The following ZHX2 variants were observed in gnomAD, a reference collection of about 807,000 sequenced individuals.
The protein encoded by ZHX2 is zinc fingers and homeoboxes 2, also known as zinc fingers and homeoboxes protein 2.
A neutral mutation model predicts 21.9 loss-of-function variants in ZHX2; 6 were observed. The ratio of observed to expected loss-of-function variants is 0.27; its 90% CI spans 0.15 to 0.54. ZHX2 has a LOEUF of 0.54. Among genes scored for constraint, ZHX2 ranks in the 20% least tolerant of loss-of-function variants. ZHX2 has a pLI of 0.95. For synonymous variants in ZHX2, 434 were observed against 437.1 expected (o/e 0.99, Z 0.09); for missense variants, 908 against 1,090.7 (o/e 0.83, Z 2.36).
At chr8:122,853,936 C>T (rs1201329881) in intron 1 of ZHX2, among the ~76,000 whole-genome samples, 1 of 152,170 alleles carries the variant, frequency 6.6e-6, no homozygotes, top group Non-Finnish European at 1.5e-5. Context: ...CACATCACTC[C>T]AGCACAACAA....
chr8:122,840,424 A>G (rs905606239), intron 1 of ZHX2, among the ~76,000 whole-genome samples: 6 of 152,134 alleles, frequency 3.9e-5, no homozygotes, highest in South Asian at 2.1e-4. Context: ...CTGTGCATCA[A>G]TTTGCCCAAC....
chr8:122,824,637 G>A (rs1370160528), intron 1 of ZHX2, among the ~76,000 whole-genome samples: 2 of 152,180 alleles, frequency 1.3e-5, no homozygotes, highest in African/African-American at 2.4e-5. Flanking sequence ...AGGATCACTG[G>A]TACCAATATA....
intron 2 of ZHX2, among the ~76,000 whole-genome samples, chr8:122,912,174 C>T (rs1178791678): frequency 6.6e-6 from 1 of 152,224 alleles, no homozygotes; most frequent in Admixed American, 6.5e-5. Flanking sequence ...TTGCCAATGT[C>T]ATGCTTTTCC....
chr8:122,944,934 T>C (rs964301551), intron 2 of ZHX2, among the ~76,000 whole-genome samples: 3 of 152,138 alleles, frequency 2.0e-5, no homozygotes, highest in Non-Finnish European at 4.4e-5. Flanking sequence ...CCTAATCCAA[T>C]ATAACTGATG....
chr8:122,850,247 G>A (rs1396515184), intron 1 of ZHX2, among the ~76,000 whole-genome samples: 1 of 152,076 alleles, frequency 6.6e-6, no homozygotes, highest in Non-Finnish European at 1.5e-5. Flanking sequence ...ATGTTTTGAT[G>A]GGTGTGAGTG....
At chr8:122,887,886 G>T (rs934595384) in intron 2 of ZHX2, among the ~76,000 whole-genome samples, 4 of 151,710 alleles carry the variant, frequency 2.6e-5, no homozygotes, top group Admixed American at 2.6e-4. Context: ...TGCCGCGCTT[G>T]CCGGCCAGGG....
At chr8:122,790,416 C>A (rs1240019223) in intron 1 of ZHX2, among the ~76,000 whole-genome samples, 5 of 152,140 alleles carry the variant, frequency 3.3e-5, no homozygotes, top group Admixed American at 1.3e-4. Flanking sequence ...AGTCAGCACT[C>A]ACTGAGCACC....
At chr8:122,798,297 TG>T (rs1412539897) in intron 1 of ZHX2, among the ~76,000 whole-genome samples, 1 of 152,246 alleles carries the variant, frequency 6.6e-6, no homozygotes, top group Non-Finnish European at 1.5e-5. Context: ...GGCACCATGC[TG>T]ATCAGGAGGG....
In ZHX2 at chr8:122,953,606, T is replaced by C. The variant is rs1416943168; in HGVS notation, c.2096T>C (p.Met699Thr). 13 of 1,614,002 alleles carry C rather than the reference T, an allele frequency of 8.1e-6. No homozygotes were observed. Among genetic ancestry groups the C allele is most frequent in the Non-Finnish European group, 1.1e-5 (13 of 1,180,034 alleles). The change falls in exon 3 of 4, where the codon ATG (methionine) becomes ACG (threonine). Residue 699 changes from methionine to threonine, a missense_variant. Met to Thr is a moderately conservative substitution (Grantham distance 81). This residue lies in a region of ZHX2 where 431 missense variants were observed against 428.6 expected (regional missense o/e 1.01). Coordinates refer to ENST00000314393, the MANE Select transcript of ZHX2 (RefSeq NM_014943.5). This position sits in a 1 kb window ranked among gnomAD's most constrained non-coding sequence, Gnocchi z 4.6. ...ATGGAGCAGTACCAGCACCAGCCCA[T>C]GGCAGATGATCACGGCTACGATGCC... ...KWMEQYQHQP[M>T]ADDHGYDAVA...
At chr8:122,931,256 A>G (rs1820985764) in intron 2 of ZHX2, among the ~76,000 whole-genome samples, 1 of 152,190 alleles carries the variant, frequency 6.6e-6, no homozygotes, top group South Asian at 2.1e-4. Context: ...AGCCACGAGT[A>G]TTATGCAGGG....
intron 2 of ZHX2, among the ~76,000 whole-genome samples, chr8:122,866,772 A>T (rs1819308321): frequency 6.6e-6 from 1 of 152,176 alleles, no homozygotes; most frequent in Non-Finnish European, 1.5e-5. Flanking sequence ...GGCAAGAAGA[A>T]CTGTAGCATT....
intron 3 of ZHX2, among the ~76,000 whole-genome samples, chr8:122,971,611 CA>C (rs56331425): frequency 0.011 from 940 of 81,746 alleles, 17 homozygotes; most frequent in African/African-American, 0.038. Flanking sequence ...GGCCCCTGTA[CA>C]AAAAAAAAAA....
At chr8:122,938,155 G>A (rs938455872) in intron 2 of ZHX2, among the ~76,000 whole-genome samples, 5 of 148,036 alleles carry the variant, frequency 3.4e-5, no homozygotes, top group African/African-American at 1.0e-4. Context: ...GGCTGGTCTC[G>A]ATCTCCTGAC....
At chr8:122,859,665 G>T (rs1215130072) in intron 1 of ZHX2, among the ~76,000 whole-genome samples, 1 of 152,148 alleles carries the variant, frequency 6.6e-6, no homozygotes, top group Non-Finnish European at 1.5e-5. Context: ...GGGGTGGGGA[G>T]CGTGGTCTTT....
rs142016436 is a variant in ZHX2, at chr8:122,832,841, G to A, written c.-282-30636G>A. 1.9e-3 allele frequency among the ~76,000 whole-genome samples: 289 copies of A among 152,250 alleles called. 1 individual carries two copies. The East Asian group carries it at 0.048, about 25-fold the overall frequency. The stretch of plus-strand genomic sequence containing the variant: ...GGTGCATATTTGTGCTTTCTTAGGG[G>A]AGACCTAATACTCCCGTTCTGCCAA... On this transcript the variant is annotated intron_variant, in intron 1 of 3. Transcript: ENST00000314393.
chr8:122,972,139 T>A (rs1813740583), intron 3 of ZHX2, among the ~76,000 whole-genome samples: 1 of 152,246 alleles, frequency 6.6e-6, no homozygotes, highest in African/African-American at 2.4e-5. Flanking sequence ...CATCTGTCTC[T>A]GTGTCCAAAT....
chr8:122,904,641 C>T (rs1163776746), intron 2 of ZHX2, among the ~76,000 whole-genome samples: 1 of 152,100 alleles, frequency 6.6e-6, no homozygotes, highest in Admixed American at 6.5e-5. Context: ...GAACCTGGAC[C>T]CCTACTTAGT....
At chr8:122,937,610 C>T (rs1812730774) in intron 2 of ZHX2, among the ~76,000 whole-genome samples, 1 of 150,980 alleles carries the variant, frequency 6.6e-6, no homozygotes, top group Non-Finnish European at 1.5e-5. Flanking sequence ...GACTCAGTCT[C>T]ACTCTGTCAC....
At chr8:122,917,568 T>C (rs1245403503) in intron 2 of ZHX2, among the ~76,000 whole-genome samples, 1 of 152,182 alleles carries the variant, frequency 6.6e-6, no homozygotes, top group East Asian at 1.9e-4. Context: ...CCTCTTGAAA[T>C]CAGACATAGA....
Sources: gnomAD v4.1 joint callset for allele counts (sites outside exome capture counted in the v4.1 genomes callset) on GRCh38, gnomAD v4.1.1 for gene constraint, gnomAD v4.1.1 regional missense constraint, Gnocchi (gnomAD v3.1) non-coding constraint, MANE v1.5 for transcripts, NCBI Gene and HGNC (gene_info 2026-07-23, HGNC 2026-07-21) for gene names.